The following RASAL2 variants were observed in gnomAD, a reference collection of about 807,000 sequenced individuals.
RASAL2 encodes ras GTPase-activating protein nGAP.
RASAL2 carries 58 observed loss-of-function variants against 128.9 expected under a neutral mutation model. The observed-to-expected ratio is 0.45, with a 90% confidence interval of 0.36 to 0.56. The LOEUF (loss-of-function observed/expected upper bound fraction) is 0.56. Among genes scored for constraint, RASAL2 ranks in the 20% least tolerant of loss-of-function variants. RASAL2 has a pLI of 0.00. For synonymous variants in RASAL2, 561 were observed against 580.8 expected (o/e 0.97, Z 0.49); for missense variants, 1,360 against 1,601.6 (o/e 0.85, Z 2.57).
At position 178,240,252 on chromosome 1, in the gene RASAL2, G is replaced by A. The variant is rs372695123; in HGVS notation, c.203-43312G>A. Among the ~76,000 whole-genome samples, 188 of 152,086 alleles carry A rather than the reference G, an allele frequency of 1.2e-3. 2 individuals are homozygous for A. The highest frequency in any genetic ancestry group is 0.012 in the South Asian group (57 of 4,826). On this transcript the variant is annotated intron_variant, in intron 1 of 17. Transcript: ENST00000367649. Reference sequence around the variant, plus strand: ...AATTTATTGGACTGTTAGTGATACCGCAGATATTGTTATTAGTCCCTAGAT... The same window carrying A: ...AATTTATTGGACTGTTAGTGATACCACAGATATTGTTATTAGTCCCTAGAT...
chr1:178,099,093 C>A (rs1328686062), intron 1 of RASAL2, among the ~76,000 whole-genome samples: 2 of 152,106 alleles, frequency 1.3e-5, no homozygotes, highest in Non-Finnish European at 2.9e-5. Flanking sequence ...GGTTATGTCT[C>A]TAAATTTATT....
chr1:178,096,306 A>G (rs1222151928), intron 1 of RASAL2, among the ~76,000 whole-genome samples: 1 of 152,192 alleles, frequency 6.6e-6, no homozygotes, highest in Non-Finnish European at 1.5e-5. Context: ...GAATACATGT[A>G]TATGATAATT....
chr1:178,403,151 G>A (rs10913548), intron 4 of RASAL2, among the ~76,000 whole-genome samples: 11,994 of 151,996 alleles, frequency 0.079, 546 homozygotes, highest in Middle Eastern at 0.13. Context: ...ATCAGTATAC[G>A]CCTCATTAAC....
At chr1:178,262,212 A>G (rs1355588881) in intron 1 of RASAL2, among the ~76,000 whole-genome samples, 1 of 152,152 alleles carries the variant, frequency 6.6e-6, no homozygotes, top group African/African-American at 2.4e-5. Context: ...GGCTCCTTGT[A>G]TTGTTAGGAA....
chr1:178,474,091 A>C lies in RASAL2; in HGVS notation c.*852A>C, dbSNP rs1285738954. On this transcript the variant is annotated 3_prime_UTR_variant, in exon 18 of 18. Transcript: ENST00000367649. ...ATTTGTGTCTCCACATACCATCTTC[A>C]TCTTCACACATTCACTGTGCTTTCC... 1 of 152,574 alleles carries C rather than the reference A, an allele frequency of 6.6e-6. No homozygotes were observed. The highest frequency in any genetic ancestry group is 2.4e-5 in the African/African-American group (1 of 41,428). The allele number at this position is 152,574 out of a possible 1,614,324, so 9.5% of individuals were successfully genotyped here.
At chr1:178,201,895 C>T (rs1222211026) in intron 1 of RASAL2, among the ~76,000 whole-genome samples, 1 of 152,066 alleles carries the variant, frequency 6.6e-6, no homozygotes, top group East Asian at 1.9e-4. Context: ...GTTTACAGAC[C>T]CAGAACCCCT....
chr1:178,388,668 G>A (rs1388040089), intron 3 of RASAL2, among the ~76,000 whole-genome samples: 2 of 152,234 alleles, frequency 1.3e-5, no homozygotes, highest in African/African-American at 4.8e-5. Context: ...TGTCCAGCAT[G>A]CAAAGATAGT....
At chr1:178,457,196 A>G (rs1465701263) in intron 13 of RASAL2, among the ~76,000 whole-genome samples, 1 of 152,230 alleles carries the variant, frequency 6.6e-6, no homozygotes, top group Non-Finnish European at 1.5e-5. Flanking sequence ...TGTACGTTAT[A>G]GCATTCAAAA....
chr1:178,420,545 A>G lies in RASAL2; in HGVS notation c.599A>G (p.Lys200Arg), dbSNP rs772116869. 6.2e-6 allele frequency: 10 copies of G among 1,613,078 alleles called. No homozygotes were observed. The East Asian group carries it at 1.1e-4, about 18-fold the overall frequency. ...FFSKRLKGSI[K>R]RTKSQSKLDR... ...AGCAAGCGCCTGAAAGGCTCCATCA[A>G]GAGGACCAAAAGCCAGTCAAAGCTT... is the stretch of plus-strand genomic sequence containing the variant. Residue 200 changes from lysine (K) to arginine (R), a missense_variant, in exon 5 of 18, where the codon AAG (lysine) becomes AGG (arginine). Coordinates refer to ENST00000367649, the MANE Select transcript of RASAL2 (RefSeq NM_170692.4).
At chr1:178,238,773 T>G (rs1664370894) in intron 1 of RASAL2, among the ~76,000 whole-genome samples, 1 of 152,114 alleles carries the variant, frequency 6.6e-6, no homozygotes, top group African/African-American at 2.4e-5. Context: ...AGTTTTCAAC[T>G]GGTAGCTTGA....
chr1:178,222,749 C>G (rs1206756533), intron 1 of RASAL2, among the ~76,000 whole-genome samples: 5 of 152,062 alleles, frequency 3.3e-5, no homozygotes, highest in Admixed American at 2.6e-4. Context: ...AATTGTGATG[C>G]TAATGTTAAA....
rs12041484 is a variant in RASAL2, at chr1:178,221,338, A to G, written c.203-62226A>G. 1.9e-3 allele frequency among the ~76,000 whole-genome samples: 285 copies of G among 152,210 alleles called. 2 individuals are homozygous for G. In the East Asian group the frequency reaches 0.028, roughly 15 times the overall value. ...TTTAATTTGCTTTTGTTTTTCTAGTATCCTAAGGTAGAAGCTTCAGTTATT... is the reference window on the plus strand; with the variant it reads ...TTTAATTTGCTTTTGTTTTTCTAGTGTCCTAAGGTAGAAGCTTCAGTTATT... On this transcript the variant is annotated intron_variant, in intron 1 of 17. Coordinates refer to ENST00000367649, the MANE Select transcript of RASAL2 (RefSeq NM_170692.4).
intron 1 of RASAL2, among the ~76,000 whole-genome samples, chr1:178,126,133 C>T (rs1659893489): frequency 6.6e-6 from 1 of 152,174 alleles, no homozygotes; most frequent in Non-Finnish European, 1.5e-5. Flanking sequence ...AGATAAGTAT[C>T]TTGGACAAGG....
chr1:178,356,083 G>A (rs556448757), intron 3 of RASAL2, among the ~76,000 whole-genome samples: 5 of 149,620 alleles, frequency 3.3e-5, no homozygotes, highest in East Asian at 2.0e-4. Flanking sequence ...GCAGAGAATC[G>A]CTTGAACCCG....
intron 3 of RASAL2, chr1:178,372,145 G>T (rs780265706): frequency 1.3e-5 from 13 of 984,216 alleles, no homozygotes; most frequent in Non-Finnish European, 1.2e-5. Flanking sequence ...AGCAATTTAA[G>T]TGTTGGACCC....
chr1:178,467,516 A>C, intron 17 of RASAL2, 95 bp downstream of exon 17: 1 of 1,005,012 alleles, frequency 1.0e-6, no homozygotes, highest in Non-Finnish European at 1.6e-6. Flanking sequence ...AGGTACCCAA[A>C]AATGTGTCAT....
chr1:178,141,097 A>G (rs564356248), intron 1 of RASAL2, among the ~76,000 whole-genome samples: 2 of 152,026 alleles, frequency 1.3e-5, no homozygotes, highest in Admixed American at 1.3e-4. Context: ...CACCAAGGGA[A>G]TGGTGCCAAG....
intron 4 of RASAL2, among the ~76,000 whole-genome samples, chr1:178,391,953 C>T (rs1672933628): frequency 6.6e-6 from 1 of 152,100 alleles, no homozygotes; most frequent in African/African-American, 2.4e-5. Flanking sequence ...TCACAAAGGA[C>T]CTTATTCTTC....
At chr1:178,239,443 G>A (rs1346045293) in intron 1 of RASAL2, among the ~76,000 whole-genome samples, 1 of 152,014 alleles carries the variant, frequency 6.6e-6, no homozygotes. Flanking sequence ...GTAAATACTA[G>A]TGAAGATGTT....
Sources: gnomAD v4.1 joint callset for allele counts (sites outside exome capture counted in the v4.1 genomes callset) on GRCh38, gnomAD v4.1.1 for gene constraint, MANE v1.5 for transcripts, NCBI Gene and HGNC (gene_info 2026-07-23, HGNC 2026-07-21) for gene names.